Variants in NFATC2 observed in about 807,000 individuals in gnomAD.
NFATC2 encodes the protein nuclear factor of activated T-cells, cytoplasmic 2.
A neutral mutation model predicts 87.3 loss-of-function variants in NFATC2; 22 were observed. The observed-to-expected ratio is 0.25, with a 90% CI of 0.18 to 0.36. NFATC2 has a LOEUF of 0.36. Among genes scored for constraint, NFATC2 ranks in the 10% least tolerant of loss-of-function variants. The pLI is 1.00. For missense variants in NFATC2, 1,149 were observed against 1,259.1 expected (o/e 0.91, Z 1.32); for synonymous variants, 565 against 542.2 (o/e 1.04, Z -0.58).
Position 51,523,225 on chromosome 20 carries a change from G to T in NFATC2, c.1016C>A (p.Ala339Asp). Residue 339 changes from alanine to aspartate, a missense_variant, in exon 2 of 11, where the codon GCC (alanine) becomes GAC (aspartate). By Grantham distance (126) the Ala-to-Asp change is moderately radical (BLOSUM62 -2). This residue lies in a region of NFATC2 where 563 missense variants were observed against 585.2 expected (regional missense o/e 0.96). Transcript: ENST00000371564. The surrounding 1 kb of genome is among the most constrained non-coding windows in gnomAD (Gnocchi z 6.9). ...CGGGTAGATGTGGCGAGGCAGGCCG[G>T]CCTTGGATGGGGCGGCAGACACCGG... ...PSPVSAAPSK[A>D]GLPRHIYPAV... The T allele has an allele frequency of 6.2e-7, 1 of 1,613,806 alleles. No individual in the cohort carries two copies. The highest frequency in any genetic ancestry group is 1.1e-5 in the South Asian group (1 of 91,058).
chr20:51,499,183 T>C (rs1268413779), intron 3 of NFATC2, among the ~76,000 whole-genome samples: 1 of 152,090 alleles, frequency 6.6e-6, no homozygotes, highest in Admixed American at 6.5e-5. Context: ...AGGTACACTC[T>C]GAACAGATCC....
rs572658354 is a variant in NFATC2, at chr20:51,404,777, C to A, written c.2723-6047G>T. ...CCTGCTGAGAGGGGCCCCTCCCAGG[C>A]CTCACTGCGCCCTAGTGTGCGCAGA... is the stretch of plus-strand genomic sequence containing the variant. On this transcript the variant is annotated intron_variant, in intron 9 of 10. Transcript: ENST00000371564. Among the ~76,000 whole-genome samples the A allele has an allele frequency of 3.3e-4, 50 of 152,324 alleles. No individual in the cohort carries two copies. The South Asian group carries it at 0.01, about 31-fold the overall frequency.
chr20:51,498,490 G>A (rs2076026209), intron 3 of NFATC2, among the ~76,000 whole-genome samples: 1 of 152,088 alleles, frequency 6.6e-6, no homozygotes, highest in Admixed American at 6.5e-5. Context: ...CATATATCAG[G>A]CTATGGAAAA....
upstream of NFATC2, among the ~76,000 whole-genome samples, chr20:51,546,597 T>C (rs1843572127): frequency 6.6e-6 from 1 of 152,150 alleles, no homozygotes; most frequent in Admixed American, 6.5e-5. Context: ...CCAACCGAAG[T>C]GCAACAGAAA....
At chr20:51,434,779 A>T (rs1348783995) in intron 8 of NFATC2, among the ~76,000 whole-genome samples, 1 of 152,154 alleles carries the variant, frequency 6.6e-6, no homozygotes, top group African/African-American at 2.4e-5. Context: ...CCATGGGGTG[A>T]TGACTCACAT....
chr20:51,393,164 C>CT (rs1168818327), intron 10 of NFATC2, among the ~76,000 whole-genome samples: 1 of 152,170 alleles, frequency 6.6e-6, no homozygotes, highest in Non-Finnish European at 1.5e-5. Flanking sequence ...GAACATCAGG[C>CT]ATGCCACAAG....
chr20:51,470,053 CAGG>C (rs879759015), intron 5 of NFATC2, among the ~76,000 whole-genome samples: 2 of 152,278 alleles, frequency 1.3e-5, no homozygotes, highest in South Asian at 4.2e-4. Flanking sequence ...TGAGGCTGAG[CAGG>C]AGGAGAGGGG....
At chr20:51,486,663 A>T (rs2146562715) in intron 3 of NFATC2, among the ~76,000 whole-genome samples, 1 of 142,558 alleles carries the variant, frequency 7.0e-6, no homozygotes, top group South Asian at 2.2e-4. Flanking sequence ...TTTGGCATAC[A>T]GTAGATGTTC....
intron 2 of NFATC2, among the ~76,000 whole-genome samples, chr20:51,520,632 A>C (rs2076429117): frequency 6.6e-6 from 1 of 150,984 alleles, no homozygotes. Context: ...TTTCCTTTTT[A>C]TTTATTTATT....
intron 3 of NFATC2, among the ~76,000 whole-genome samples, chr20:51,516,447 A>T (rs2076352791): frequency 6.6e-6 from 1 of 152,208 alleles, no homozygotes. Context: ...TGAACTCTTC[A>T]TCTGAAACTT....
chr20:51,447,017 A>C (rs1985154390), intron 6 of NFATC2, among the ~76,000 whole-genome samples: 1 of 152,222 alleles, frequency 6.6e-6, no homozygotes. Flanking sequence ...AGGTGGGAAG[A>C]GCAGGTGTCT....
chr20:51,509,971 T>A (rs1265017303), intron 3 of NFATC2, among the ~76,000 whole-genome samples: 1 of 152,228 alleles, frequency 6.6e-6, no homozygotes, highest in African/African-American at 2.4e-5. Context: ...CCATCGGGTT[T>A]CCGCATCTGC....
intron 2 of NFATC2, 88 bp from the exon 3 acceptor site, chr20:51,517,043 T>C: frequency 7.7e-7 from 1 of 1,300,212 alleles, no homozygotes; most frequent in Non-Finnish European, 1.1e-6. Context: ...TTTCTGAAAA[T>C]CATGGATACA....
At chr20:51,398,868 T>G (rs1480282529) in intron 9 of NFATC2, 138 bp from the exon 10 acceptor site, 3 of 642,952 alleles carry the variant, frequency 4.7e-6, no homozygotes, top group Non-Finnish European at 8.3e-6. Context: ...AAGCCAGAAT[T>G]CTGCAACATC....
chr20:51,543,114 C>A (rs1027925604), upstream of NFATC2, among the ~76,000 whole-genome samples: 5 of 152,142 alleles, frequency 3.3e-5, no homozygotes, highest in East Asian at 1.9e-4. Context: ...TGTCTCCAGG[C>A]GTCTCCGTGT....
intron 1 of NFATC2, among the ~76,000 whole-genome samples, chr20:51,529,661 T>G (rs2076601619): frequency 6.6e-6 from 1 of 151,742 alleles, no homozygotes; most frequent in Admixed American, 6.6e-5. Context: ...AAAGCTTGCT[T>G]TTTTTTTAAC....
chr20:51,459,002 G>A (rs1476296166), intron 5 of NFATC2, among the ~76,000 whole-genome samples: 1 of 152,062 alleles, frequency 6.6e-6, no homozygotes, highest in Non-Finnish European at 1.5e-5. Flanking sequence ...TGTGACCCTG[G>A]GCAAGTCACT....
intron 1 of NFATC2, among the ~76,000 whole-genome samples, chr20:51,561,444 A>G (rs1444209578): frequency 7.5e-5 from 7 of 93,710 alleles, no homozygotes; most frequent in African/African-American, 2.4e-4. Flanking sequence ...AGAAAGAAAG[A>G]AAGAAAGAAA....
At chr20:51,439,680 G>A (rs1479549531) in intron 6 of NFATC2, among the ~76,000 whole-genome samples, 1 of 152,174 alleles carries the variant, frequency 6.6e-6, no homozygotes, top group Non-Finnish European at 1.5e-5. Flanking sequence ...CTGGAACCCT[G>A]AGCCTTCCTG....
Sources: allele counts gnomAD v4.1 joint callset (sites outside exome capture counted in the v4.1 genomes callset), GRCh38; gene constraint gnomAD v4.1.1; regional missense constraint gnomAD v4.1.1; non-coding constraint Gnocchi (gnomAD v3.1); transcripts MANE v1.5; gene names NCBI Gene and HGNC (gene_info 2026-07-23, HGNC 2026-07-21).